The following PDE7A variants were observed in gnomAD, a reference collection of about 807,000 sequenced individuals.
The protein encoded by PDE7A is phosphodiesterase 7A, also known as high affinity 3',5'-cyclic-AMP phosphodiesterase 7A.
A neutral mutation model predicts 64.3 loss-of-function variants in PDE7A; 39 were observed. The observed-to-expected ratio is 0.61, with a 90% CI of 0.47 to 0.79. PDE7A has a LOEUF of 0.79. Ranked by LOEUF, PDE7A falls within the 30% of genes least tolerant of loss-of-function variation. The probability of loss-of-function intolerance (pLI) is 0.00; values close to 1 mark genes in which losing one functional copy is unlikely to be tolerated. For missense variants in PDE7A, 470 were observed against 582.8 expected (o/e 0.81, Z 1.99); for synonymous variants, 203 against 206.8 (o/e 0.98, Z 0.16).
chr8:65,834,177 T>A (rs1370826255), intron 1 of PDE7A, among the ~76,000 whole-genome samples: 1 of 151,988 alleles, frequency 6.6e-6, no homozygotes, highest in Non-Finnish European at 1.5e-5. Flanking sequence ...GACAGACCAA[T>A]CCCTCCTCTT....
Position 65,715,372 on chromosome 8 carries a change from TAA to T in PDE7A, c.*3916_*3917del, listed in dbSNP as rs1162786052. Among the ~76,000 whole-genome samples the T allele has an allele frequency of 1.3e-5, 2 of 149,458 alleles. No individual in the cohort carries two copies. Among genetic ancestry groups the T allele is most frequent in the Admixed American group, 6.6e-5 (1 of 15,046 alleles). ...CCAACAAAGAGAGACCCTGTCTCTA[TAA>T]AAAAGTTTTTTTTTTTTTTTTGAGA... On this transcript the variant is annotated 3_prime_UTR_variant, in exon 13 of 13. Coordinates refer to ENST00000401827, the MANE Select transcript of PDE7A (RefSeq NM_001242318.3).
chr8:65,834,017 T>C (rs1368380031), intron 1 of PDE7A, among the ~76,000 whole-genome samples: 1 of 152,084 alleles, frequency 6.6e-6, no homozygotes, highest in Admixed American at 6.5e-5. Flanking sequence ...TAGGAGTTAC[T>C]CCAAAAACAG....
At chr8:65,752,781 T>C (rs1316227957) in intron 3 of PDE7A, among the ~76,000 whole-genome samples, 1 of 152,188 alleles carries the variant, frequency 6.6e-6, no homozygotes, top group African/African-American at 2.4e-5. Context: ...CTCTAAACTG[T>C]CTATGTTGAA....
In PDE7A at chr8:65,734,881, T is replaced by G; in HGVS notation, c.609A>C (p.Glu203Asp). 1 of 1,606,260 alleles carries G rather than the reference T, an allele frequency of 6.2e-7. No individual in the cohort carries two copies. Among genetic ancestry groups the G allele is most frequent in the Non-Finnish European group, 8.5e-7 (1 of 1,172,994 alleles). The change falls in exon 7 of 13, where the codon GAA becomes GAC. Residue 203 changes from glutamate (E) to aspartate (D), a missense_variant. Coordinates refer to ENST00000401827, the MANE Select transcript of PDE7A (RefSeq NM_001242318.3). ...GGTAAGGATTTTGACTGTGGTAATC[T>G]TCTTGAATCATAACTGCATCAAAGA... ...KLRRFLVMIQ[E>D]DYHSQNPYHN... is the part of the protein sequence containing the mutation.
intron 5 of PDE7A, among the ~76,000 whole-genome samples, 160 bp from the exon 6 acceptor site, chr8:65,739,757 A>G (rs1267712787): frequency 1.3e-5 from 2 of 152,202 alleles, no homozygotes; most frequent in Non-Finnish European, 2.9e-5. Context: ...TATGAACTTT[A>G]TATGTCACAT....
At chr8:65,818,653 A>G (rs1810471001) in intron 1 of PDE7A, among the ~76,000 whole-genome samples, 1 of 152,062 alleles carries the variant, frequency 6.6e-6, no homozygotes, top group Admixed American at 6.6e-5. Context: ...CTTCCCAAAG[A>G]GAGAAATTTC....
rs376061587 is a variant in PDE7A at position 65,841,963 on chromosome 8, G to GGCCGCCGCC, written c.-464_-456dup. 7.8e-3 allele frequency: 1,905 copies of GGCCGCCGCC among 244,340 alleles called. 105 individuals are homozygous for GGCCGCCGCC. Among genetic ancestry groups the GGCCGCCGCC allele is most frequent in the African/African-American group, 0.024 (1,004 of 41,190 alleles). 15.1% of individuals were successfully genotyped at this position (244,340 alleles called of 1,614,324 possible). The stretch of plus-strand genomic sequence containing the variant: ...GGACTCAGGAGCAGCGACCAGCTCG[G>GGCCGCCGCC]GCCGCCGCCGCCGCCGCCGCCGCCG... On this transcript the variant is annotated 5_prime_UTR_variant, in exon 1 of 13. Coordinates refer to ENST00000401827, the MANE Select transcript of PDE7A (RefSeq NM_001242318.3).
At position 65,841,963 on chromosome 8, in the gene PDE7A, GGCCGCCGCCGCCGCC is replaced by G. The variant is rs376061587; in HGVS notation, c.-470_-456del. ...GGACTCAGGAGCAGCGACCAGCTCGGGCCGCCGCCGCCGCCGCCGCCGCCGCCGCCGGAGTCCTGC... is the reference window on the plus strand; with the variant it reads ...GGACTCAGGAGCAGCGACCAGCTCGGGCCGCCGCCGCCGCCGGAGTCCTGC... On this transcript the variant is annotated 5_prime_UTR_variant, in exon 1 of 13. Transcript: ENST00000401827. 7.4e-4 allele frequency: 181 copies of G among 244,352 alleles called. No individual in the cohort carries two copies. The highest frequency in any genetic ancestry group is 1.0e-3 in the African/African-American group (43 of 41,198). 15.1% of individuals were successfully genotyped at this position (244,352 alleles called of 1,614,324 possible).
chr8:65,805,446 G>A (rs990103076), intron 1 of PDE7A, among the ~76,000 whole-genome samples: 27 of 152,270 alleles, frequency 1.8e-4, no homozygotes, highest in African/African-American at 6.5e-4. Flanking sequence ...ATAAAATATG[G>A]TGCTGTAGAG....
intron 1 of PDE7A, among the ~76,000 whole-genome samples, chr8:65,838,902 C>G (rs1811011966): frequency 6.6e-6 from 1 of 152,180 alleles, no homozygotes. Flanking sequence ...AGACGATCTC[C>G]AAATCAATTT....
At chr8:65,816,115 T>G (rs1418739625) in intron 1 of PDE7A, among the ~76,000 whole-genome samples, 2 of 151,724 alleles carry the variant, frequency 1.3e-5, no homozygotes, top group Non-Finnish European at 2.9e-5. Context: ...ATGAATAATA[T>G]TTAGCTCTTT....
intron 4 of PDE7A, among the ~76,000 whole-genome samples, chr8:65,746,295 C>A (rs1452714580): frequency 7.2e-5 from 11 of 152,086 alleles, no homozygotes; most frequent in Admixed American, 6.6e-4. Context: ...AACTAACTTG[C>A]TCAGCTATAA....
At chr8:65,797,482 G>GT (rs1055978556) in intron 1 of PDE7A, among the ~76,000 whole-genome samples, 1 of 152,154 alleles carries the variant, frequency 6.6e-6, no homozygotes, top group African/African-American at 2.4e-5. Context: ...ACTGCCTCCG[G>GT]GGGGCAAGGC....
At chr8:65,772,456 T>C (rs759183992) in intron 3 of PDE7A, among the ~76,000 whole-genome samples, 3 of 152,198 alleles carry the variant, frequency 2.0e-5, no homozygotes, top group Admixed American at 1.3e-4. Context: ...TCTGAGATTA[T>C]AGGAAGTGAA....
chr8:65,790,181 C>T (rs1277855501), intron 1 of PDE7A, among the ~76,000 whole-genome samples: 6 of 152,222 alleles, frequency 3.9e-5, no homozygotes, highest in African/African-American at 1.2e-4. Flanking sequence ...AAGACCAGGG[C>T]GGCTCAAGGG....
chr8:65,761,167 G>C (rs1236324129), intron 3 of PDE7A, among the ~76,000 whole-genome samples: 1 of 151,908 alleles, frequency 6.6e-6, no homozygotes, highest in African/African-American at 2.4e-5. Context: ...CCTGATTCAA[G>C]CAATTCTCCT....
chr8:65,777,888 T>C (rs1005969120), intron 3 of PDE7A, among the ~76,000 whole-genome samples: 4 of 152,220 alleles, frequency 2.6e-5, no homozygotes, highest in African/African-American at 9.6e-5. Flanking sequence ...TTTCTTTTAA[T>C]GTTACTCTGC....
chr8:65,732,013 A>G (rs1307410942), intron 7 of PDE7A, among the ~76,000 whole-genome samples: 2 of 150,518 alleles, frequency 1.3e-5, no homozygotes, highest in East Asian at 1.9e-4. Context: ...TGTTGTTGTT[A>G]TTTTAGACTG....
chr8:65,811,378 C>T (rs185174053), intron 1 of PDE7A, among the ~76,000 whole-genome samples: 2 of 152,246 alleles, frequency 1.3e-5, no homozygotes, highest in East Asian at 1.9e-4. Context: ...ACAAACACAG[C>T]CCTCCAGGGG....
Sources: allele counts gnomAD v4.1 joint callset (sites outside exome capture counted in the v4.1 genomes callset), GRCh38; gene constraint gnomAD v4.1.1; transcripts MANE v1.5; gene names NCBI Gene and HGNC (gene_info 2026-07-23, HGNC 2026-07-21).